NETO2: variants seen among roughly 807,000 people sequenced by gnomAD.
The protein encoded by NETO2 is neuropilin and tolloid like 2.
A neutral mutation model predicts 62.5 loss-of-function variants in NETO2; 28 were observed. That is an observed-to-expected ratio of 0.45 (90% CI 0.33 to 0.61). The LOEUF (loss-of-function observed/expected upper bound fraction) is 0.61, where lower values mean the gene tolerates loss of function less well. Ranked by LOEUF, NETO2 falls within the 20% of genes least tolerant of loss-of-function variation. The pLI is 0.02. For missense variants in NETO2, 548 were observed against 643.2 expected, an observed-to-expected ratio of 0.85 and a Z score of 1.60; for synonymous variants, 214 against 219.1, an observed-to-expected ratio of 0.98 and a Z score of 0.21.
Position 47,082,592 on chromosome 16 carries a change from G to A in NETO2, c.*629C>T, listed in dbSNP as rs1037724346. ...TTTCTCACAGAAAATAAGGAATAAG[G>A]GCCCAGTAATTAAAAGGCAGAAGTA... is the stretch of plus-strand genomic sequence containing the variant. On this transcript the variant is annotated 3_prime_UTR_variant, in exon 9 of 9. Transcript: ENST00000562435. 6.6e-6 allele frequency: 1 copy of A among 151,994 alleles called. No homozygotes were observed. Among genetic ancestry groups the A allele is most frequent in the Non-Finnish European group, 1.5e-5 (1 of 67,996 alleles). The allele number at this position is 151,994 out of a possible 1,614,324, so 9.4% of individuals were successfully genotyped here.
intron 7 of NETO2, among the ~76,000 whole-genome samples, chr16:47,106,873 C>T (rs1450369272): frequency 6.6e-6 from 1 of 151,894 alleles, no homozygotes; most frequent in African/African-American, 2.4e-5. Flanking sequence ...CCTCCACCTC[C>T]CAGTTTCAAG....
At chr16:47,104,202 C>T (rs1044280196) in intron 7 of NETO2, among the ~76,000 whole-genome samples, 12 of 152,002 alleles carry the variant, frequency 7.9e-5, no homozygotes, top group Admixed American at 6.6e-4. Context: ...ATGCAAAACC[C>T]GCATACACAA....
In NETO2 at chr16:47,083,166, C is replaced by T. The variant is rs1963104069; in HGVS notation, c.*55G>A. On this transcript the variant is annotated 3_prime_UTR_variant, in exon 9 of 9. Transcript: ENST00000562435. The stretch of plus-strand genomic sequence containing the variant: ...TTGGCTGCTGGAAACAGTATGGTGC[C>T]CTGGAGGCTGCGTACGTACACACCC... 1 of 1,477,800 alleles carries T rather than the reference C, an allele frequency of 6.8e-7. No individual in the cohort carries two copies. The highest frequency in any genetic ancestry group is 1.4e-5 in the African/African-American group (1 of 71,536). The allele number at this position is 1,477,800 out of a possible 1,614,324, so 91.5% of individuals were successfully genotyped here.
chr16:47,109,795 G>C, intron 6 of NETO2, 84 bp from the exon 7 acceptor site: 1 of 934,210 alleles, frequency 1.1e-6, no homozygotes, highest in Non-Finnish European at 1.6e-6. Context: ...AGACAACATG[G>C]GACACCGAAT....
chr16:47,106,508 G>GT (rs1313538965), intron 7 of NETO2, among the ~76,000 whole-genome samples: 1 of 152,032 alleles, frequency 6.6e-6, no homozygotes, highest in Non-Finnish European at 1.5e-5. Context: ...TTCCGGAAGG[G>GT]TTTTTGGCAA....
intron 2 of NETO2, 142 bp from the exon 3 acceptor site, chr16:47,129,506 T>C (rs1253234370): frequency 6.1e-6 from 5 of 821,266 alleles, no homozygotes; most frequent in East Asian, 5.2e-5. Flanking sequence ...TTTAGCACAA[T>C]AAATTGAGTA....
intron 3 of NETO2, 38 bp from the exon 4 acceptor site, chr16:47,128,611 C>T: frequency 1.3e-6 from 2 of 1,588,870 alleles, no homozygotes; most frequent in South Asian, 2.3e-5. Context: ...ACAACACAAA[C>T]AAGAAAGAAT....
In NETO2 at chr16:47,086,262, T is replaced by G. The variant is rs780592185; in HGVS notation, c.961A>C (p.Asn321His). The change falls in exon 8 of 9, where the codon AAT (asparagine) becomes CAT (histidine). Residue 321 changes from asparagine (N) to histidine (H), a missense_variant. Physicochemically the swap from Asn to His is moderately conservative, Grantham distance 68. Coordinates refer to ENST00000562435, the MANE Select transcript of NETO2 (RefSeq NM_018092.5). ...NNSLVCNGVQ[N>H]CAYPWDENHC... ...TTTTCATCCCAAGGGTATGCACAAT[T>G]TTGGACACCATTACAGACTAAAGAA... 1 of 1,613,550 alleles carries G rather than the reference T, an allele frequency of 6.2e-7. No homozygotes were observed. The highest frequency in any genetic ancestry group is 8.5e-7 in the Non-Finnish European group (1 of 1,179,488).
intron 1 of NETO2, among the ~76,000 whole-genome samples, chr16:47,133,191 A>G (rs925390916): frequency 1.3e-5 from 2 of 152,090 alleles, no homozygotes; most frequent in Admixed American, 6.6e-5. Context: ...AGGGAAATAG[A>G]ATGAGGAAAA....
At chr16:47,122,969 A>T in intron 4 of NETO2, 57 bp from the exon 5 acceptor site, 1 of 1,498,048 alleles carries the variant, frequency 6.7e-7, no homozygotes, top group South Asian at 1.2e-5. Context: ...TTAATCCTCG[A>T]TGTCTTACAT....
intron 8 of NETO2, among the ~76,000 whole-genome samples, chr16:47,084,640 T>C (rs943835746): frequency 1.4e-4 from 22 of 152,192 alleles, no homozygotes; most frequent in Admixed American, 5.9e-4. Context: ...TATTAAGTAT[T>C]TCAGTGTAAA....
intron 4 of NETO2, among the ~76,000 whole-genome samples, chr16:47,123,926 C>T (rs1964096877): frequency 6.6e-6 from 1 of 152,134 alleles, no homozygotes; most frequent in Non-Finnish European, 1.5e-5. Flanking sequence ...CTCAAACTCC[C>T]AACCTTGTGA....
chr16:47,092,478 C>A (rs552969410), intron 7 of NETO2, among the ~76,000 whole-genome samples: 2 of 152,084 alleles, frequency 1.3e-5, no homozygotes, highest in African/African-American at 4.8e-5. Flanking sequence ...ATCTGGGAGG[C>A]GTTTTTATAA....
chr16:47,141,235 A>G (rs1964456136), intron 1 of NETO2, among the ~76,000 whole-genome samples: 1 of 152,188 alleles, frequency 6.6e-6, no homozygotes, highest in Admixed American at 6.5e-5. Flanking sequence ...TATTTCAAAC[A>G]AGGCTTCTGT....
chr16:47,090,478 G>A (rs1963289883), intron 7 of NETO2, among the ~76,000 whole-genome samples: 1 of 152,128 alleles, frequency 6.6e-6, no homozygotes, highest in African/African-American at 2.4e-5. Context: ...AAAAAAGACA[G>A]CAAAAATAGT....
At position 47,109,487 on chromosome 16, in the gene NETO2, C is replaced by A; in HGVS notation, c.879G>T (p.Val293=). 2 of 1,610,660 alleles carry A rather than the reference C, an allele frequency of 1.2e-6. No individual in the cohort carries two copies. Among genetic ancestry groups the A allele is most frequent in the Non-Finnish European group, 1.7e-6 (2 of 1,177,074 alleles). ...CTATAGGAATTATTTACTTACGCTC[C>A]ACAAAGGAAGTAAAGAGCATTCGAA... is the stretch of plus-strand genomic sequence containing the variant. ...SRFRMLFTSF[V]EPPCTSSTFF... The change falls in exon 7 of 9, where the codon GTG becomes GTT. Residue 293 remains valine (V), a synonymous_variant. Coordinates refer to ENST00000562435, the MANE Select transcript of NETO2 (RefSeq NM_018092.5).
intron 7 of NETO2, among the ~76,000 whole-genome samples, chr16:47,087,424 G>A (rs902754184): frequency 2.0e-5 from 3 of 152,156 alleles, no homozygotes; most frequent in African/African-American, 7.2e-5. Flanking sequence ...GTAGAATAGA[G>A]ATTACCAGGG....
rs1357867003 is a variant in NETO2 at position 47,082,670 on chromosome 16, G to T, written c.*551C>A. 1 of 152,210 alleles carries T rather than the reference G, an allele frequency of 6.6e-6. No homozygotes were observed. The highest frequency in any genetic ancestry group is 1.5e-5 in the Non-Finnish European group (1 of 68,064). The allele number at this position is 152,210 out of a possible 1,614,324, so 9.4% of individuals were successfully genotyped here. A position where few individuals can be genotyped will look rare whatever the true frequency, so the allele number is the denominator to read the frequency against. On this transcript the variant is annotated 3_prime_UTR_variant, in exon 9 of 9. Coordinates refer to ENST00000562435, the MANE Select transcript of NETO2 (RefSeq NM_018092.5). ...GGTGAAATACAACTGGGTCTTAATT[G>T]GCACAGTAACTAGCTGTATTTTGAC...
intron 4 of NETO2, among the ~76,000 whole-genome samples, chr16:47,124,939 C>T (rs764493039): frequency 1.5e-4 from 23 of 152,154 alleles, no homozygotes; most frequent in Non-Finnish European, 2.4e-4. Context: ...TATATTTTAA[C>T]TATAGGCCAT....
Sources: allele counts gnomAD v4.1 joint callset (sites outside exome capture counted in the v4.1 genomes callset), GRCh38; gene constraint gnomAD v4.1.1; transcripts MANE v1.5; gene names NCBI Gene and HGNC (gene_info 2026-07-23, HGNC 2026-07-21).